PSMB1: variants seen among roughly 807,000 people sequenced by gnomAD.
The protein encoded by PSMB1 is proteasome subunit beta type-1.
Under a neutral mutation model 25.4 loss-of-function variants are expected in PSMB1, and 7 were observed. That is an observed-to-expected ratio of 0.28 (90% CI 0.16 to 0.52). PSMB1 has a LOEUF of 0.52. Ranked by LOEUF, PSMB1 falls within the 20% of genes least tolerant of loss-of-function variation. The pLI is 0.97. For missense variants in PSMB1, 284 were observed against 302.2 expected, an observed-to-expected ratio of 0.94 and a Z score of 0.45; for synonymous variants, 119 against 115.0, an observed-to-expected ratio of 1.03 and a Z score of -0.22.
chr6:170,543,914 T>C (rs1170811667), intron 3 of PSMB1, among the ~76,000 whole-genome samples, 184 bp from the exon 4 acceptor site: 1 of 152,188 alleles, frequency 6.6e-6, no homozygotes, highest in African/African-American at 2.4e-5. Context: ...GAATGCCAAG[T>C]TTGCCCTCAG....
chr6:170,541,016 C>T (rs1160506432), intron 4 of PSMB1, among the ~76,000 whole-genome samples: 3 of 152,034 alleles, frequency 2.0e-5, no homozygotes, highest in Non-Finnish European at 2.9e-5. Context: ...TATACAATTT[C>T]AGAACACCAG....
At chr6:170,539,415 G>A (rs937095129) in intron 4 of PSMB1, among the ~76,000 whole-genome samples, 1 of 151,870 alleles carries the variant, frequency 6.6e-6, no homozygotes, top group Admixed American at 6.5e-5. Context: ...TGACACAGTC[G>A]AATGTAGTTC....
intron 3 of PSMB1, among the ~76,000 whole-genome samples, chr6:170,545,823 A>G (rs1229681316): frequency 6.6e-6 from 1 of 152,144 alleles, no homozygotes; most frequent in African/African-American, 2.4e-5. Context: ...AGGGAAGAGT[A>G]TCTTCAGAAG....
rs376415142 is a variant in PSMB1 at position 170,553,255 on chromosome 6, C to T, written c.-13G>A. 2 of 1,588,320 alleles carry T rather than the reference C, an allele frequency of 1.3e-6. No homozygotes were observed. Among genetic ancestry groups the T allele is most frequent in the African/African-American group, 1.3e-5 (1 of 74,546 alleles). On this transcript the variant is annotated 5_prime_UTR_variant, in exon 1 of 6. Transcript: ENST00000262193. Reference sequence around the variant, plus strand: ...TAGAGGACAACATCGCACGGCTGCGCCTGCGGATCCGACACTTGCTGTCTC... The same window carrying T: ...TAGAGGACAACATCGCACGGCTGCGTCTGCGGATCCGACACTTGCTGTCTC...
At chr6:170,539,115 A>G (rs1778728691) in intron 4 of PSMB1, among the ~76,000 whole-genome samples, 1 of 152,240 alleles carries the variant, frequency 6.6e-6, no homozygotes. Flanking sequence ...AAAAACAAAA[A>G]TAAATGTAGA....
intron 1 of PSMB1, among the ~76,000 whole-genome samples, chr6:170,551,646 T>A (rs1778903886): frequency 6.6e-6 from 1 of 152,206 alleles, no homozygotes; most frequent in Non-Finnish European, 1.5e-5. Flanking sequence ...TAACCCTCCC[T>A]ACAATATACA....
intron 4 of PSMB1, among the ~76,000 whole-genome samples, chr6:170,540,131 G>A (rs1778740255): frequency 1.3e-5 from 2 of 152,154 alleles, no homozygotes; most frequent in Admixed American, 1.3e-4. Flanking sequence ...TAAAGACAGA[G>A]AGGTTAGTGC....
rs60257797 is a variant in PSMB1, at chr6:170,553,170, G to A, written c.73C>T (p.Pro25Ser). Residue 25 changes from proline to serine, a missense_variant, in exon 1 of 6, where the codon CCT becomes TCT. Physicochemically the swap from Pro to Ser is moderately conservative, Grantham distance 74. Transcript: ENST00000262193. ...TAGGGCGAAAATCGCAGCTGCAAAG[G>A]GCCCGCGGCTCTGTGCGGTTCCATC... ...LGMEPHRAAG[P>S]LQLRFSPYVF... is the part of the protein sequence containing the mutation. 33 of 1,613,766 alleles carry A rather than the reference G, an allele frequency of 2.0e-5. No individual in the cohort carries two copies. In the East Asian group the frequency reaches 6.5e-4, roughly 32 times the overall value.
chr6:170,552,559 G>T (rs1778921527), intron 1 of PSMB1, among the ~76,000 whole-genome samples: 1 of 151,608 alleles, frequency 6.6e-6, no homozygotes, highest in Non-Finnish European at 1.5e-5. Context: ...AGTTTGCTCA[G>T]CCAATCCCAC....
At chr6:170,545,538 A>C (rs1367466128) in intron 3 of PSMB1, among the ~76,000 whole-genome samples, 2 of 152,232 alleles carry the variant, frequency 1.3e-5, no homozygotes, top group South Asian at 4.1e-4. Context: ...TTATTCATGA[A>C]TAGGCAAAAC....
intron 4 of PSMB1, 35 bp downstream of exon 4, chr6:170,543,566 C>A: frequency 6.6e-7 from 1 of 1,522,632 alleles, no homozygotes; most frequent in Non-Finnish European, 8.8e-7. Flanking sequence ...AATAACTCCT[C>A]CCCCCCACCA....
chr6:170,548,502 GT>G (rs1264990334), intron 2 of PSMB1, among the ~76,000 whole-genome samples: 1 of 150,660 alleles, frequency 6.6e-6, no homozygotes, highest in Non-Finnish European at 1.5e-5. Flanking sequence ...AATGTTTCAG[GT>G]AAAAAAAAAA....
intron 2 of PSMB1, among the ~76,000 whole-genome samples, chr6:170,548,044 GA>G (rs1186216187): frequency 6.6e-6 from 1 of 152,182 alleles, no homozygotes; most frequent in East Asian, 1.9e-4. Context: ...TCCTTGAGGA[GA>G]AAAAAAGGTA....
At chr6:170,553,074 C>A in intron 1 of PSMB1, 56 bp downstream of exon 1, 1 of 1,461,698 alleles carries the variant, frequency 6.8e-7, no homozygotes, top group Non-Finnish European at 9.4e-7. Flanking sequence ...CCTAAATAGG[C>A]TTCAGCAGAT....
intron 4 of PSMB1, among the ~76,000 whole-genome samples, chr6:170,538,671 C>G (rs756694474): frequency 1.3e-5 from 2 of 152,154 alleles, no homozygotes; most frequent in Non-Finnish European, 2.9e-5. Flanking sequence ...TGCACTCCAG[C>G]CTGGGCAACA....
intron 4 of PSMB1, among the ~76,000 whole-genome samples, chr6:170,538,004 C>A (rs1778715576): frequency 6.6e-6 from 1 of 152,166 alleles, no homozygotes; most frequent in Non-Finnish European, 1.5e-5. Context: ...AATTCTGTAA[C>A]CTGTAAAATA....
intron 4 of PSMB1, 42 bp downstream of exon 4, chr6:170,543,559 A>T: frequency 6.5e-7 from 1 of 1,539,468 alleles, no homozygotes; most frequent in Admixed American, 1.8e-5. Context: ...AGGGAATAAT[A>T]ACTCCTCCCC....
At chr6:170,547,881 C>A (rs201739258) in intron 2 of PSMB1, among the ~76,000 whole-genome samples, 2,531 of 111,524 alleles carry the variant, frequency 0.023, no homozygotes, top group East Asian at 0.025. Context: ...ACGTGTTTCA[C>A]AAAAAAAAAA....
At chr6:170,548,616 T>A (rs958285028) in intron 2 of PSMB1, among the ~76,000 whole-genome samples, 1 of 152,206 alleles carries the variant, frequency 6.6e-6, no homozygotes, top group Non-Finnish European at 1.5e-5. Flanking sequence ...ATTGCCATTG[T>A]GATGGTACTG....
Sources: allele counts gnomAD v4.1 joint callset (sites outside exome capture counted in the v4.1 genomes callset), GRCh38; gene constraint gnomAD v4.1.1; transcripts MANE v1.5; gene names NCBI Gene and HGNC (gene_info 2026-07-23, HGNC 2026-07-21).